The following ADGRB1 variants were observed in gnomAD, a reference collection of about 807,000 sequenced individuals.
ADGRB1 encodes brain-specific angiogenesis inhibitor 1.
Under a neutral mutation model 175.7 loss-of-function variants are expected in ADGRB1, and 36 were observed. The observed-to-expected ratio is 0.20, with a 90% CI of 0.16 to 0.27. The LOEUF (loss-of-function observed/expected upper bound fraction) is 0.27. ADGRB1 is among the 10% of genes least tolerant of loss of function. ADGRB1 has a pLI of 1.00. For missense variants in ADGRB1, 1,731 were observed against 2,255.3 expected (o/e 0.77, Z 4.71); for synonymous variants, 1,054 against 979.4 (o/e 1.08, Z -1.42).
chr8:142,521,003 C>T (rs188703348), intron 20 of ADGRB1, 78 bp downstream of exon 20: 10 of 1,397,968 alleles, frequency 7.2e-6, no homozygotes, highest in East Asian at 7.0e-5. Context: ...GGGCCTGGAC[C>T]GTGGGATCCC....
In ADGRB1 at chr8:142,519,795, G is replaced by A. The variant is rs768161777; in HGVS notation, c.2922-1028G>A. Among the ~76,000 whole-genome samples, 66 of 151,060 alleles carry A rather than the reference G, an allele frequency of 4.4e-4. 1 individual carries two copies. Among genetic ancestry groups the A allele is most frequent in the Non-Finnish European group, 7.7e-4 (52 of 67,708 alleles). On this transcript the variant is annotated intron_variant, in intron 19 of 30. Coordinates refer to ENST00000517894, the MANE Select transcript of ADGRB1 (RefSeq NM_001702.3). ...GGTAGTGATGGTGATGGTGGTAGTG[G>A]TGGTTGTGATGGTGTTGGTGCTGGT...
intron 2 of ADGRB1, among the ~76,000 whole-genome samples, chr8:142,469,655 G>A (rs558897480): frequency 1.6e-4 from 25 of 151,788 alleles, no homozygotes; most frequent in East Asian, 3.9e-4. Flanking sequence ...GCGTGTGAAC[G>A]CAAGTGCGTG....
chr8:142,522,087 C>T lies in ADGRB1; in HGVS notation c.3147C>T (p.Ile1049=). The change falls in exon 21 of 31, where the codon ATC becomes ATT. Residue 1049 remains isoleucine (I), a synonymous_variant. Coordinates refer to ENST00000517894, the MANE Select transcript of ADGRB1 (RefSeq NM_001702.3). ...CGGGCCACCTCCGGAACCGCCTCAT[C>T]CGCAAGCGCTTCCTCTGCCTGGGCT... ...AVTGHLRNRL[I]RKRFLCLGWG... The T allele has an allele frequency of 6.2e-7, 1 of 1,611,680 alleles. No individual in the cohort carries two copies.
rs1363042485 is a variant in ADGRB1, at chr8:142,492,707, G to A, written c.2675+1892G>A. ...TGGGCTGGGGAAAGCTGGGTGCCCT[G>A]CAGCCCTGGGGAGCCAGCTCTCTAG... is the stretch of plus-strand genomic sequence containing the variant. On this transcript the variant is annotated intron_variant, in intron 17 of 30. Transcript: ENST00000517894. This position sits in a 1 kb window ranked among gnomAD's most constrained non-coding sequence, Gnocchi z 4.4. 1.3e-5 allele frequency among the ~76,000 whole-genome samples: 2 copies of A among 152,192 alleles called. No homozygotes were observed. Among genetic ancestry groups the A allele is most frequent in the Non-Finnish European group, 2.9e-5 (2 of 68,016 alleles).
In ADGRB1 at chr8:142,542,481, C is replaced by T. The variant is rs1424454036; in HGVS notation, c.4247C>T (p.Pro1416Leu). The T allele has an allele frequency of 3.1e-6, 4 of 1,311,358 alleles. No homozygotes were observed. In the African/African-American group the frequency reaches 6.4e-5, roughly 21 times the overall value. 81.2% of individuals were successfully genotyped at this position (1,311,358 alleles called of 1,614,324 possible). ...APPAQPPPPP[P>L]PPPPPPQQPL... Reference sequence around the variant, plus strand: ...CCTGCCCAGCCCCCACCGCCTCCGCCCCCACCGCCACCACCTCCCCAGCAG... The same window carrying T: ...CCTGCCCAGCCCCCACCGCCTCCGCTCCCACCGCCACCACCTCCCCAGCAG... The change falls in exon 28 of 31, where the codon CCC (proline) becomes CTC (leucine). Residue 1416 changes from proline (P) to leucine (L), a missense_variant. By Grantham distance (98) the Pro-to-Leu change is moderately conservative (BLOSUM62 -3). Coordinates refer to ENST00000517894, the MANE Select transcript of ADGRB1 (RefSeq NM_001702.3). The surrounding 1 kb of genome is among the most constrained non-coding windows in gnomAD (Gnocchi z 6.3).
At position 142,469,846 on chromosome 8, in the gene ADGRB1, T is replaced by C. The variant is rs574087970; in HGVS notation, c.784+4864T>C. On this transcript the variant is annotated intron_variant, in intron 2 of 30. Coordinates refer to ENST00000517894, the MANE Select transcript of ADGRB1 (RefSeq NM_001702.3). ...TGAGGACCAGAGAGGCAGGTGACCA[T>C]TCAGAAGACACACAGCTGAGCAGAG... Among the ~76,000 whole-genome samples the C allele has an allele frequency of 8.5e-5, 13 of 152,294 alleles. No homozygotes were observed. The South Asian group carries it at 1.4e-3, about 17-fold the overall frequency.
chr8:142,501,481 G>C (rs946085113), intron 17 of ADGRB1, among the ~76,000 whole-genome samples: 2 of 140,330 alleles, frequency 1.4e-5, no homozygotes, highest in Admixed American at 1.4e-4. Flanking sequence ...TGGTGGTGAT[G>C]ATGGGGTGGT....
In ADGRB1 at chr8:142,474,318, C is replaced by T. The variant is rs1021379286; in HGVS notation, c.785-1156C>T. On this transcript the variant is annotated intron_variant, in intron 2 of 30. Coordinates refer to ENST00000517894, the MANE Select transcript of ADGRB1 (RefSeq NM_001702.3). This position sits in a 1 kb window ranked among gnomAD's most constrained non-coding sequence, Gnocchi z 5.8. Reference sequence around the variant, plus strand: ...GATCCCCAGTGTTCCCCAGTGGCAGCGGCCCCAGCTCCATGGTGGGTCCCC... The same window carrying T: ...GATCCCCAGTGTTCCCCAGTGGCAGTGGCCCCAGCTCCATGGTGGGTCCCC... Among the ~76,000 whole-genome samples the T allele has an allele frequency of 1.3e-5, 2 of 152,158 alleles. No individual in the cohort carries two copies. Among genetic ancestry groups the T allele is most frequent in the East Asian group, 1.9e-4 (1 of 5,194 alleles).
chr8:142,465,028 CAGGGGAGG>C, intron 2 of ADGRB1, 46 bp downstream of exon 2: 40 of 835,246 alleles, frequency 4.8e-5, no homozygotes, highest in African/African-American at 8.9e-5. Flanking sequence ...GGTGGGCAGA[CAGGGGAGG>C]CGGGCAGACA....
intron 2 of ADGRB1, 99 bp downstream of exon 2, chr8:142,465,081 G>A: frequency 9.4e-7 from 1 of 1,063,138 alleles, no homozygotes. Context: ...TGGGCGGACA[G>A]AGGAGGTGGG....
At chr8:142,520,025 G>GTGGTGGTGATGGTGGTAGTGATTGTGA (rs1563735316) in intron 19 of ADGRB1, among the ~76,000 whole-genome samples, 1 of 93,372 alleles carries the variant, frequency 1.1e-5, no homozygotes, top group Non-Finnish European at 2.4e-5. Flanking sequence ...GGTGATGGTG[G>GTGGTGGTGATGGTGGTAGTGATTGTGA]TGGTGGTGAT....
Position 142,543,452 on chromosome 8 carries a change from T to C in ADGRB1, c.4449+14T>C, listed in dbSNP as rs950299852. 15 of 1,612,106 alleles carry C rather than the reference T, an allele frequency of 9.3e-6. No homozygotes were observed. The highest frequency in any genetic ancestry group is 2.2e-5 in the East Asian group (1 of 44,818). ...CTGGACTTTGAGGTGAGTTCTGGTG[T>C]CCCCCCCCACCAGACACTTAGGGCC... On this transcript the variant is annotated intron_variant, in intron 29 of 30. Transcript: ENST00000517894. This position sits in a 1 kb window ranked among gnomAD's most constrained non-coding sequence, Gnocchi z 4.4.
At chr8:142,499,596 G>T (rs577234800) in intron 17 of ADGRB1, among the ~76,000 whole-genome samples, 1 of 150,686 alleles carries the variant, frequency 6.6e-6, no homozygotes, top group Non-Finnish European at 1.5e-5. Context: ...GGAGTGCCGC[G>T]GTGGGAGCGC....
Position 142,537,523 on chromosome 8 carries a change from A to G in ADGRB1, c.3666+441A>G, listed in dbSNP as rs116542669. ...TGCCCATCCCCTCCCCCTACCCCGC[A>G]TATTCCCACCTGCTGCCTCCCTGGC... On this transcript the variant is annotated intron_variant, in intron 26 of 30. Coordinates refer to ENST00000517894, the MANE Select transcript of ADGRB1 (RefSeq NM_001702.3). This position sits in a 1 kb window ranked among gnomAD's most constrained non-coding sequence, Gnocchi z 4.6. 5.0e-3 allele frequency among the ~76,000 whole-genome samples: 747 copies of G among 148,486 alleles called. 5 individuals are homozygous for G. The highest frequency in any genetic ancestry group is 0.018 in the African/African-American group (711 of 39,918).
rs958551223 is a variant in ADGRB1, at chr8:142,474,006, C to T, written c.785-1468C>T. On this transcript the variant is annotated intron_variant, in intron 2 of 30. Coordinates refer to ENST00000517894, the MANE Select transcript of ADGRB1 (RefSeq NM_001702.3). The surrounding 1 kb of genome is among the most constrained non-coding windows in gnomAD (Gnocchi z 5.8). The stretch of plus-strand genomic sequence containing the variant: ...ATGCCACACGCCGTCCTCTCATATC[C>T]TTTTTTGCTGTTTGACTTCCCACTT... 8.5e-5 allele frequency among the ~76,000 whole-genome samples: 13 copies of T among 152,236 alleles called. No homozygotes were observed. Among genetic ancestry groups the T allele is most frequent in the African/African-American group, 2.4e-4 (10 of 41,458 alleles).
At chr8:142,528,507 C>T (rs911450166) in intron 24 of ADGRB1, among the ~76,000 whole-genome samples, 3 of 152,292 alleles carry the variant, frequency 2.0e-5, no homozygotes, top group Admixed American at 6.5e-5. Context: ...GAGAGCAGGG[C>T]GCTTGCTTTC....
chr8:142,525,156 C>T (rs1423485465), intron 23 of ADGRB1, among the ~76,000 whole-genome samples: 1 of 152,016 alleles, frequency 6.6e-6, no homozygotes, highest in East Asian at 1.9e-4. Flanking sequence ...CCTGTAGGGG[C>T]AGTTGGGGAG....
intron 2 of ADGRB1, among the ~76,000 whole-genome samples, chr8:142,469,739 G>C (rs1156803012): frequency 6.6e-6 from 1 of 152,140 alleles, no homozygotes; most frequent in African/African-American, 2.4e-5. Context: ...GCATGTGTGT[G>C]AATGTGTGAG....
At chr8:142,499,739 C>G (rs1054901301) in intron 17 of ADGRB1, among the ~76,000 whole-genome samples, 4 of 152,208 alleles carry the variant, frequency 2.6e-5, no homozygotes, top group African/African-American at 9.7e-5. Context: ...GGTGAGCTCT[C>G]TGGCCCTGAA....
Sources: allele counts gnomAD v4.1 joint callset (sites outside exome capture counted in the v4.1 genomes callset), GRCh38; gene constraint gnomAD v4.1.1; non-coding constraint Gnocchi (gnomAD v3.1); transcripts MANE v1.5; gene names NCBI Gene and HGNC (gene_info 2026-07-23, HGNC 2026-07-21).